The following GRIK4 variants were observed in gnomAD, a reference collection of about 807,000 sequenced individuals.
GRIK4 encodes glutamate ionotropic receptor kainate type subunit 4.
Under a neutral mutation model 104.9 loss-of-function variants are expected in GRIK4, and 40 were observed. That is an observed-to-expected ratio of 0.38 (90% CI 0.30 to 0.50). The LOEUF is 0.50. Among genes scored for constraint, GRIK4 ranks in the 20% least tolerant of loss-of-function variants. The pLI, the probability that GRIK4 is intolerant of heterozygous loss-of-function variation, is 0.93. For missense variants in GRIK4, 1,047 were observed against 1,308.1 expected (o/e 0.80, Z 3.08); for synonymous variants, 485 against 524.9 (o/e 0.92, Z 1.04).
At chr11:120,728,389 T>C (rs1222488596) in intron 3 of GRIK4, among the ~76,000 whole-genome samples, 3 of 152,186 alleles carry the variant, frequency 2.0e-5, no homozygotes, top group Non-Finnish European at 4.4e-5. Flanking sequence ...GAGAGAATAT[T>C]GTTCCCAAGA....
chr11:120,656,921 G>A (rs1949719682), intron 2 of GRIK4, among the ~76,000 whole-genome samples: 1 of 152,164 alleles, frequency 6.6e-6, no homozygotes, highest in East Asian at 1.9e-4. Flanking sequence ...CAGTTCCTCA[G>A]GCCTGCACGA....
At chr11:120,806,860 T>TCACAC (rs1395299884) in intron 4 of GRIK4, among the ~76,000 whole-genome samples, 2 of 152,108 alleles carry the variant, frequency 1.3e-5, no homozygotes, top group Non-Finnish European at 2.9e-5. Flanking sequence ...ATGGAAAGTA[T>TCACAC]CACACGGGGC....
chr11:120,665,301 T>C (rs907987200), intron 3 of GRIK4, among the ~76,000 whole-genome samples: 24 of 152,200 alleles, frequency 1.6e-4, no homozygotes, highest in African/African-American at 5.1e-4. Flanking sequence ...ATTTGATTTA[T>C]GAAATTTTGA....
At chr11:120,887,818 A>G (rs1459173057) in intron 11 of GRIK4, among the ~76,000 whole-genome samples, 1 of 152,230 alleles carries the variant, frequency 6.6e-6, no homozygotes, top group African/African-American at 2.4e-5. Context: ...GCAGTAGTTC[A>G]GGGCACTATG....
At position 120,677,512 on chromosome 11, in the gene GRIK4, GTACT is replaced by G. The variant is rs1950118437; in HGVS notation, c.82+17119_82+17122del. On this transcript the variant is annotated intron_variant, in intron 3 of 20. Coordinates refer to ENST00000527524, the MANE Select transcript of GRIK4 (RefSeq NM_014619.5). ...GTCCTGCCTGTTCCTCTGTTCTCTG[GTACT>G]TACTTAATACTGACAATGCCCTGTT... is the stretch of plus-strand genomic sequence containing the variant. Among the ~76,000 whole-genome samples, 3 of 152,274 alleles carry G rather than the reference GTACT, an allele frequency of 2.0e-5. No individual in the cohort carries two copies. In the South Asian group the frequency reaches 6.2e-4, roughly 32 times the overall value.
intron 8 of GRIK4, among the ~76,000 whole-genome samples, chr11:120,851,472 A>G (rs1002596715): frequency 6.6e-6 from 1 of 152,206 alleles, no homozygotes; most frequent in African/African-American, 2.4e-5. Context: ...TATACGTGCC[A>G]TGCCGTGTAA....
chr11:120,837,397 CA>C lies in GRIK4; in HGVS notation c.744+554del, dbSNP rs143059204. On this transcript the variant is annotated intron_variant, in intron 8 of 20. Coordinates refer to ENST00000527524, the MANE Select transcript of GRIK4 (RefSeq NM_014619.5). The stretch of plus-strand genomic sequence containing the variant: ...ACCTTTCTTCTGGTATAGGGACTCC[CA>C]CAACAGGCTTGTCAGGAAGCCGTTC... 6.0e-3 allele frequency among the ~76,000 whole-genome samples: 908 copies of C among 152,260 alleles called. 11 individuals are homozygous for C. The highest frequency in any genetic ancestry group is 0.021 in the African/African-American group (861 of 41,562).
intron 19 of GRIK4, among the ~76,000 whole-genome samples, chr11:120,972,887 C>T (rs1045882978): frequency 8.6e-5 from 13 of 151,826 alleles, no homozygotes; most frequent in Admixed American, 7.9e-4. Context: ...AAGTGGGGGA[C>T]GTAAGAGGCG....
chr11:120,935,253 TG>T (rs1943571838), intron 13 of GRIK4, among the ~76,000 whole-genome samples: 1 of 152,204 alleles, frequency 6.6e-6, no homozygotes, highest in Non-Finnish European at 1.5e-5. Context: ...GATGAGGTTG[TG>T]GCCCACAAGT....
At chr11:120,947,723 T>C in intron 14 of GRIK4, among the ~76,000 whole-genome samples, 1 of 152,190 alleles carries the variant, frequency 6.6e-6, no homozygotes, top group East Asian at 1.9e-4. Flanking sequence ...GCTCAAGGTG[T>C]GTTAACATTA....
At chr11:120,786,490 G>A (rs997595724) in intron 3 of GRIK4, among the ~76,000 whole-genome samples, 34 of 151,992 alleles carry the variant, frequency 2.2e-4, no homozygotes, top group African/African-American at 5.8e-4. Flanking sequence ...CATCACCCTC[G>A]CCAGGTCCCA....
At chr11:120,817,736 C>T (rs1011970639) in intron 5 of GRIK4, among the ~76,000 whole-genome samples, 7 of 152,200 alleles carry the variant, frequency 4.6e-5, no homozygotes, top group African/African-American at 1.7e-4. Flanking sequence ...TGGGCTATCC[C>T]TGCCTAGACC....
At chr11:120,681,395 A>G (rs973612792) in intron 3 of GRIK4, among the ~76,000 whole-genome samples, 5 of 152,066 alleles carry the variant, frequency 3.3e-5, no homozygotes, top group African/African-American at 1.2e-4. Flanking sequence ...CTGGGATTCC[A>G]TGTTCCTGTG....
In GRIK4 at chr11:120,624,704, T is replaced by C. The variant is rs145205297; in HGVS notation, c.-158-28981T>C. 4.4e-3 allele frequency among the ~76,000 whole-genome samples: 675 copies of C among 152,312 alleles called. 2 individuals are homozygous for C. Among genetic ancestry groups the C allele is most frequent in the Non-Finnish European group, 6.7e-3 (459 of 68,022 alleles). ...ACCTTGGGAATTGCTCTCAACCTGT[T>C]CTTCCTCTTCCTCCATTAGCGTAGA... On this transcript the variant is annotated intron_variant, in intron 1 of 20. Coordinates refer to ENST00000527524, the MANE Select transcript of GRIK4 (RefSeq NM_014619.5).
chr11:120,869,624 C>T (rs955321064), intron 9 of GRIK4: 2 of 152,488 alleles, frequency 1.3e-5, no homozygotes, highest in East Asian at 1.9e-4. Context: ...TAGTGGCAAC[C>T]GTGTGGCAGG....
intron 1 of GRIK4, among the ~76,000 whole-genome samples, chr11:120,648,589 A>G (rs1233222197): frequency 2.6e-5 from 4 of 152,268 alleles, no homozygotes; most frequent in East Asian, 1.9e-4. Flanking sequence ...CAGCCAGAGC[A>G]TAGGCTGTGG....
At chr11:120,985,381 C>G (rs939263000) in intron 20 of GRIK4, among the ~76,000 whole-genome samples, 2 of 152,122 alleles carry the variant, frequency 1.3e-5, no homozygotes, top group African/African-American at 4.8e-5. Flanking sequence ...TTTTGGTTAT[C>G]ATGAGGATAC....
At chr11:120,925,190 G>C (rs1943316317) in intron 13 of GRIK4, among the ~76,000 whole-genome samples, 1 of 152,160 alleles carries the variant, frequency 6.6e-6, no homozygotes. Context: ...CACAGAAGTT[G>C]GTGGTACTTT....
rs1002613997 is a variant in GRIK4 at position 120,952,762 on chromosome 11, C to A, written c.1591-93C>A. 2 of 834,908 alleles carry A rather than the reference C, an allele frequency of 2.4e-6. No homozygotes were observed. Among genetic ancestry groups the A allele is most frequent in the African/African-American group, 1.7e-5 (1 of 60,288 alleles). 51.7% of individuals were successfully genotyped at this position (834,908 alleles called of 1,614,324 possible). A position where few individuals can be genotyped will look rare whatever the true frequency, so the allele number is the denominator to read the frequency against. ...CAGAAATGGGAACTGGGGCCAGACC[C>A]ACACTCACTACCTCCTCTACCCCGC... On this transcript the variant is annotated intron_variant, in intron 14 of 20. Transcript: ENST00000527524. The surrounding 1 kb of genome is among the most constrained non-coding windows in gnomAD (Gnocchi z 5.2).
Sources: gnomAD v4.1 joint callset for allele counts (sites outside exome capture counted in the v4.1 genomes callset) on GRCh38, gnomAD v4.1.1 for gene constraint, Gnocchi (gnomAD v3.1) non-coding constraint, MANE v1.5 for transcripts, NCBI Gene and HGNC (gene_info 2026-07-23, HGNC 2026-07-21) for gene names.